SLC10A7: variants seen among roughly 807,000 people sequenced by gnomAD.
SLC10A7 encodes the protein sodium/bile acid cotransporter 7.
SLC10A7 carries 29 observed loss-of-function variants against 43.2 expected under a neutral mutation model. The ratio of observed to expected loss-of-function variants is 0.67; its 90% CI spans 0.50 to 0.92. SLC10A7 has a LOEUF of 0.92. Among genes scored for constraint, SLC10A7 ranks in the 40% least tolerant of loss-of-function variants. The probability of loss-of-function intolerance (pLI) is 0.00; values close to 1 mark genes in which losing one functional copy is unlikely to be tolerated. For synonymous variants in SLC10A7, 152 were observed against 144.8 expected (o/e 1.05, Z -0.35); for missense variants, 295 against 403.2 (o/e 0.73, Z 2.30).
Position 146,468,731 on chromosome 4 carries a change from G to C in SLC10A7, c.397-25910C>G, listed in dbSNP as rs866788460. ...CTCGCCTCAGCCTCTCAAAATGCAGGGATTACAGGCGTGAGCCACCGCGCC... is the reference window on the plus strand; with the variant it reads ...CTCGCCTCAGCCTCTCAAAATGCAGCGATTACAGGCGTGAGCCACCGCGCC... On this transcript the variant is annotated intron_variant, in intron 4 of 11. Coordinates refer to ENST00000335472, the MANE Select transcript of SLC10A7 (RefSeq NM_001029998.6). Among the ~76,000 whole-genome samples, 4 of 151,900 alleles carry C rather than the reference G, an allele frequency of 2.6e-5. No individual in the cohort carries two copies. In the South Asian group the frequency reaches 8.3e-4, roughly 32 times the overall value.
intron 5 of SLC10A7, among the ~76,000 whole-genome samples, chr4:146,360,956 C>T (rs1008015092): frequency 6.6e-6 from 1 of 152,006 alleles, no homozygotes; most frequent in Non-Finnish European, 1.5e-5. Context: ...CTGGGCTGGG[C>T]CTCTGTGCAT....
chr4:146,354,594 CA>C (rs1249228153), intron 5 of SLC10A7, among the ~76,000 whole-genome samples: 7 of 148,750 alleles, frequency 4.7e-5, no homozygotes, highest in Non-Finnish European at 1.0e-4. Context: ...AATCCTAAGC[CA>C]AAAGAACAAA....
intron 7 of SLC10A7, among the ~76,000 whole-genome samples, chr4:146,304,504 T>C (rs1731402788): frequency 2.0e-5 from 3 of 152,198 alleles, no homozygotes; most frequent in Non-Finnish European, 4.4e-5. Context: ...CATTTCATTA[T>C]GTACCCAGTA....
chr4:146,375,207 G>GAAAACA (rs1194097059), intron 5 of SLC10A7, among the ~76,000 whole-genome samples: 3 of 151,818 alleles, frequency 2.0e-5, no homozygotes, highest in African/African-American at 7.3e-5. Flanking sequence ...CTCCATCTCA[G>GAAAACA]AAAACAAAAA....
intron 5 of SLC10A7, among the ~76,000 whole-genome samples, chr4:146,356,548 C>T (rs1449004892): frequency 1.3e-5 from 2 of 150,584 alleles, no homozygotes. Context: ...ATAAGGCTTC[C>T]ACAACTGTCC....
intron 6 of SLC10A7, among the ~76,000 whole-genome samples, chr4:146,308,373 G>A (rs942075641): frequency 2.6e-5 from 4 of 152,096 alleles, no homozygotes; most frequent in African/African-American, 9.7e-5. Flanking sequence ...GGACCCCTGG[G>A]GAAGTTTCTG....
intron 5 of SLC10A7, among the ~76,000 whole-genome samples, chr4:146,340,167 C>T (rs1734162276): frequency 6.6e-6 from 1 of 151,670 alleles, no homozygotes; most frequent in Non-Finnish European, 1.5e-5. Context: ...TGATTGGGGT[C>T]TTAACAACCT....
chr4:146,354,583 C>A (rs1735422237), intron 5 of SLC10A7, among the ~76,000 whole-genome samples: 1 of 148,524 alleles, frequency 6.7e-6, no homozygotes, highest in Admixed American at 6.7e-5. Context: ...ATCGCCAAGT[C>A]AATCCTAAGC....
intron 5 of SLC10A7, among the ~76,000 whole-genome samples, chr4:146,425,965 T>C (rs547837790): frequency 6.6e-6 from 1 of 152,214 alleles, no homozygotes; most frequent in Admixed American, 6.5e-5. Flanking sequence ...CTTTCTCTTG[T>C]GAATTTAACC....
intron 4 of SLC10A7, among the ~76,000 whole-genome samples, chr4:146,460,398 T>C (rs1263898093): frequency 6.6e-6 from 1 of 152,034 alleles, no homozygotes; most frequent in Non-Finnish European, 1.5e-5. Flanking sequence ...TTCGGATTTA[T>C]TTGTAATAGC....
At chr4:146,521,545 C>T in intron 1 of SLC10A7, 73 bp downstream of exon 1, 1 of 1,317,708 alleles carries the variant, frequency 7.6e-7, no homozygotes, top group Admixed American at 1.9e-5. Context: ...GAGGGTTGCC[C>T]CACCTTTCCA....
At chr4:146,443,685 G>A (rs1294968948) in intron 4 of SLC10A7, among the ~76,000 whole-genome samples, 1 of 152,224 alleles carries the variant, frequency 6.6e-6, no homozygotes, top group African/African-American at 2.4e-5. Context: ...CAGCCACACT[G>A]TAGTAAAAAG....
chr4:146,346,723 T>A (rs1397408496), intron 5 of SLC10A7, among the ~76,000 whole-genome samples: 1 of 152,172 alleles, frequency 6.6e-6, no homozygotes, highest in East Asian at 1.9e-4. Flanking sequence ...TATCACAGCA[T>A]GCTTAAGAAT....
At chr4:146,424,129 G>A (rs1729147955) in intron 5 of SLC10A7, among the ~76,000 whole-genome samples, 1 of 152,184 alleles carries the variant, frequency 6.6e-6, no homozygotes, top group Non-Finnish European at 1.5e-5. Flanking sequence ...ACGGCTCACT[G>A]CAGCCTAGAA....
chr4:146,517,510 G>A (rs1738128243), intron 1 of SLC10A7, among the ~76,000 whole-genome samples: 1 of 151,962 alleles, frequency 6.6e-6, no homozygotes. Context: ...TCTACTGCAG[G>A]ACAACAAATG....
In SLC10A7 at chr4:146,289,994, G is replaced by A. The variant is rs375071390; in HGVS notation, c.773+2935C>T. On this transcript the variant is annotated intron_variant, in intron 9 of 11. Coordinates refer to ENST00000335472, the MANE Select transcript of SLC10A7 (RefSeq NM_001029998.6). ...CTCCCAAAGTGCTGGGATTACAGGC[G>A]TGAGCAACCACACCCAGCCAGATTT... 3.9e-3 allele frequency among the ~76,000 whole-genome samples: 573 copies of A among 148,494 alleles called. 2 individuals carry two copies. The highest frequency in any genetic ancestry group is 0.013 in the African/African-American group (522 of 40,952).
intron 4 of SLC10A7, among the ~76,000 whole-genome samples, chr4:146,481,012 C>T (rs1306932492): frequency 6.6e-6 from 1 of 152,134 alleles, no homozygotes; most frequent in Non-Finnish European, 1.5e-5. Flanking sequence ...TACACCAGAG[C>T]AGCATTCTCC....
intron 5 of SLC10A7, among the ~76,000 whole-genome samples, chr4:146,395,043 C>A (rs1309363705): frequency 6.6e-6 from 1 of 152,114 alleles, no homozygotes; most frequent in Non-Finnish European, 1.5e-5. Context: ...GTTTCCATGT[C>A]ACCTCTCCTG....
At chr4:146,343,948 AG>A (rs1309477772) in intron 5 of SLC10A7, among the ~76,000 whole-genome samples, 3 of 152,072 alleles carry the variant, frequency 2.0e-5, no homozygotes. Context: ...CAATCAGAGA[AG>A]CAAAACTCAT....
Sources: gnomAD v4.1 joint callset for allele counts (sites outside exome capture counted in the v4.1 genomes callset) on GRCh38, gnomAD v4.1.1 for gene constraint, MANE v1.5 for transcripts, NCBI Gene and HGNC (gene_info 2026-07-23, HGNC 2026-07-21) for gene names.